Variants in ITPK1 observed in about 807,000 individuals in gnomAD.
ITPK1 encodes the protein inositol-tetrakisphosphate 1-kinase.
Under a neutral mutation model 45.3 loss-of-function variants are expected in ITPK1, and 21 were observed. The observed-to-expected ratio is 0.46, with a 90% CI of 0.33 to 0.67. The LOEUF is 0.67. Among genes scored for constraint, ITPK1 ranks in the 30% least tolerant of loss-of-function variants. ITPK1 has a pLI of 0.02. For missense variants in ITPK1, 474 were observed against 573.5 expected, an observed-to-expected ratio of 0.83 and a Z score of 1.77; for synonymous variants, 258 against 253.6, an observed-to-expected ratio of 1.02 and a Z score of -0.16.
intron 3 of ITPK1, among the ~76,000 whole-genome samples, chr14:93,055,967 CAGGCAGCCTGATG>C (rs1890200577): frequency 6.6e-6 from 1 of 152,182 alleles, no homozygotes; most frequent in African/African-American, 2.4e-5. Context: ...GGAGGTGAAT[CAGGCAGCCTGATG>C]AGGCTGGGGC....
Position 93,016,876 on chromosome 14 carries a change from C to G in ITPK1, c.121-75G>C, listed in dbSNP as rs1232357305. On this transcript the variant is annotated intron_variant, in intron 3 of 10. Transcript: ENST00000267615. This position sits in a 1 kb window ranked among gnomAD's most constrained non-coding sequence, Gnocchi z 5.0. ...CACTGCCCCCATCCTCTTGTCCACC[C>G]TGGGGCATATCACCAGAGGACCCTC... 3 of 1,579,534 alleles carry G rather than the reference C, an allele frequency of 1.9e-6. No homozygotes were observed. Among genetic ancestry groups the G allele is most frequent in the Non-Finnish European group, 1.7e-6 (2 of 1,161,366 alleles).
chr14:92,946,252 T>C (rs1887681189), intron 10 of ITPK1, 79 bp downstream of exon 10: 1 of 1,530,744 alleles, frequency 6.5e-7, no homozygotes, highest in Admixed American at 1.7e-5. Flanking sequence ...CTGGCCTCAG[T>C]CACCCCGCCT....
chr14:93,115,398 G>C (rs1892907015), intron 1 of ITPK1, 93 bp from the exon 2 acceptor site: 1 of 157,496 alleles, frequency 6.3e-6, no homozygotes, highest in Non-Finnish European at 1.4e-5. Flanking sequence ...GGGCCAAGCT[G>C]CCACCGCCCA....
In ITPK1 at chr14:93,115,178, G is replaced by A. The variant is rs1454808473; in HGVS notation, c.-15C>T. On this transcript the variant is annotated 5_prime_UTR_variant, in exon 2 of 11. Transcript: ENST00000267615. ...AAGGTCTGCATCTTCCTCCTCGGGC[G>A]GGGAGCCTGGGTCCGGAGGAAATCG... is the stretch of plus-strand genomic sequence containing the variant. 4 of 1,578,492 alleles carry A rather than the reference G, an allele frequency of 2.5e-6. No individual in the cohort carries two copies. Among genetic ancestry groups the A allele is most frequent in the South Asian group, 1.1e-5 (1 of 89,176 alleles).
At chr14:93,048,130 T>C (rs1889859532) in intron 3 of ITPK1, among the ~76,000 whole-genome samples, 1 of 152,224 alleles carries the variant, frequency 6.6e-6, no homozygotes, top group South Asian at 2.1e-4. Context: ...GTGAACATGG[T>C]ATGATTTGTT....
chr14:93,044,511 G>A (rs1383310584), intron 3 of ITPK1, among the ~76,000 whole-genome samples: 2 of 152,202 alleles, frequency 1.3e-5, no homozygotes, highest in East Asian at 3.9e-4. Context: ...TGCTGCACTC[G>A]GCCTGGCAGC....
At chr14:93,102,197 G>A (rs1272800372) in intron 2 of ITPK1, among the ~76,000 whole-genome samples, 1 of 152,248 alleles carries the variant, frequency 6.6e-6, no homozygotes, top group Non-Finnish European at 1.5e-5. Flanking sequence ...CTGGGGCCTG[G>A]ACTGGCCTCT....
At chr14:93,078,897 A>G (rs1891330707) in intron 2 of ITPK1, among the ~76,000 whole-genome samples, 1 of 152,168 alleles carries the variant, frequency 6.6e-6, no homozygotes, top group African/African-American at 2.4e-5. Flanking sequence ...GCCCTGCTCC[A>G]GGACAGAAAA....
chr14:93,096,692 C>T (rs972246392), intron 2 of ITPK1, among the ~76,000 whole-genome samples: 1 of 152,208 alleles, frequency 6.6e-6, no homozygotes. Flanking sequence ...GGTTTCCCCA[C>T]TGAAAATCCC....
intron 3 of ITPK1, among the ~76,000 whole-genome samples, chr14:93,047,200 C>A (rs1274812398): frequency 6.6e-6 from 1 of 152,194 alleles, no homozygotes; most frequent in African/African-American, 2.4e-5. Context: ...CTTGAAGAAC[C>A]TTCCTCCCCG....
intron 3 of ITPK1, among the ~76,000 whole-genome samples, chr14:93,075,361 AG>A (rs1566771975): frequency 1.6e-4 from 21 of 130,228 alleles, no homozygotes; most frequent in African/African-American, 4.3e-4. Context: ...AAAAAAAAAA[AG>A]GAAGAGAAAA....
intron 5 of ITPK1, among the ~76,000 whole-genome samples, chr14:92,974,565 G>T (rs574313967): frequency 2.6e-5 from 4 of 152,344 alleles, no homozygotes; most frequent in African/African-American, 9.6e-5. Context: ...AGGACACAGA[G>T]CTACGAGCCC....
chr14:92,985,196 C>T (rs1337287388), intron 5 of ITPK1, among the ~76,000 whole-genome samples: 6 of 152,112 alleles, frequency 3.9e-5, no homozygotes. Flanking sequence ...AAGGTCAAAA[C>T]CTGAGGCTCC....
Position 92,937,784 on chromosome 14 carries a change from C to A in ITPK1, c.*3777G>T, listed in dbSNP as rs1887189337. 6.6e-6 allele frequency: 1 copy of A among 152,586 alleles called. No individual in the cohort carries two copies. Among genetic ancestry groups the A allele is most frequent in the Admixed American group, 6.5e-5 (1 of 15,306 alleles). The allele number at this position is 152,586 out of a possible 1,614,324, so 9.5% of individuals were successfully genotyped here. ...CTGGCCTGAGGCAGCAGAGGCTGGG[C>A]CTTTGTCAAGGACAGCTGCACTTCT... is the stretch of plus-strand genomic sequence containing the variant. On this transcript the variant is annotated 3_prime_UTR_variant, in exon 11 of 11. Transcript: ENST00000267615.
chr14:93,093,497 T>C (rs954231186), intron 2 of ITPK1, among the ~76,000 whole-genome samples: 3 of 152,262 alleles, frequency 2.0e-5, no homozygotes, highest in Middle Eastern at 3.4e-3. Context: ...ACCTCAGTCC[T>C]TTCTTCCCCC....
At chr14:93,033,971 G>C (rs1276069522) in intron 3 of ITPK1, among the ~76,000 whole-genome samples, 1 of 152,072 alleles carries the variant, frequency 6.6e-6, no homozygotes, top group African/African-American at 2.4e-5. Flanking sequence ...GGCAAGCACA[G>C]GACCTCTTCT....
chr14:93,109,587 A>C (rs1439717949), intron 2 of ITPK1, among the ~76,000 whole-genome samples: 4 of 152,248 alleles, frequency 2.6e-5, no homozygotes, highest in African/African-American at 4.8e-5. Flanking sequence ...CAAACTTAAA[A>C]AAATACAAGT....
chr14:92,950,086 C>T (rs978913798), intron 9 of ITPK1, among the ~76,000 whole-genome samples: 7 of 152,226 alleles, frequency 4.6e-5, no homozygotes, highest in East Asian at 1.9e-4. Context: ...TAGCTTGGGC[C>T]GGACCCCAGG....
At chr14:92,954,973 T>C (rs1422867801) in intron 8 of ITPK1, among the ~76,000 whole-genome samples, 1 of 152,186 alleles carries the variant, frequency 6.6e-6, no homozygotes, top group African/African-American at 2.4e-5. Flanking sequence ...TCTCCTTGTG[T>C]GCAGTTTCTC....
Sources: allele counts gnomAD v4.1 joint callset (sites outside exome capture counted in the v4.1 genomes callset), GRCh38; gene constraint gnomAD v4.1.1; non-coding constraint Gnocchi (gnomAD v3.1); transcripts MANE v1.5; gene names NCBI Gene and HGNC (gene_info 2026-07-23, HGNC 2026-07-21).